The following THADA variants were observed in gnomAD, a reference collection of about 807,000 sequenced individuals.
THADA encodes tRNA (32-2'-O)-methyltransferase regulator THADA.
THADA carries 213 observed loss-of-function variants against 219.8 expected under a neutral mutation model. That is an observed-to-expected ratio of 0.97 (90% CI 0.87 to 1.09). The LOEUF (loss-of-function observed/expected upper bound fraction) is 1.09, where lower values mean the gene tolerates loss of function less well. Ranked by LOEUF, THADA falls within the 50% of genes least tolerant of loss-of-function variation. The probability of loss-of-function intolerance (pLI) is 0.00; values close to 1 mark genes in which losing one functional copy is unlikely to be tolerated. For synonymous variants in THADA, 1,018 were observed against 828.9 expected (o/e 1.23, Z -3.92); for missense variants, 2,956 against 2,311.3 (o/e 1.28, Z -5.72).
At chr2:43,265,642 C>G (rs934290707) in intron 36 of THADA, among the ~76,000 whole-genome samples, 2 of 152,176 alleles carry the variant, frequency 1.3e-5, no homozygotes, top group African/African-American at 4.8e-5. Context: ...GCAGGAGGAG[C>G]TGAATGAGAA....
intron 26 of THADA, among the ~76,000 whole-genome samples, chr2:43,473,052 T>TTTA (rs1430045611): frequency 6.6e-6 from 1 of 152,196 alleles, no homozygotes; most frequent in Non-Finnish European, 1.5e-5. Context: ...TACTGGAGAC[T>TTTA]TTATAAACAC....
At chr2:43,586,513 AAAT>A in intron 6 of THADA, 64 bp from the exon 7 acceptor site, 1 of 1,405,332 alleles carries the variant, frequency 7.1e-7, no homozygotes, top group Non-Finnish European at 9.6e-7. Flanking sequence ...CAATAAAATA[AAAT>A]ATTTTATATC....
intron 36 of THADA, among the ~76,000 whole-genome samples, chr2:43,248,781 C>A (rs979039171): frequency 6.6e-6 from 1 of 152,008 alleles, no homozygotes; most frequent in African/African-American, 2.4e-5. Context: ...AGGAGCGGCC[C>A]GGGCCGCTTC....
At chr2:43,280,835 A>G (rs565107146) in intron 35 of THADA, among the ~76,000 whole-genome samples, 6 of 152,378 alleles carry the variant, frequency 3.9e-5, no homozygotes, top group Middle Eastern at 3.4e-3. Context: ...TGTCCTGAGC[A>G]ATCAAAAGGA....
At chr2:43,404,374 TC>T (rs1675270502) in intron 28 of THADA, among the ~76,000 whole-genome samples, 1 of 150,298 alleles carries the variant, frequency 6.7e-6, no homozygotes, top group Non-Finnish European at 1.5e-5. Flanking sequence ...CTTTTTCTTT[TC>T]TTTTTTTTTT....
At chr2:43,384,795 A>G (rs1206005873) in intron 29 of THADA, among the ~76,000 whole-genome samples, 1 of 152,162 alleles carries the variant, frequency 6.6e-6, no homozygotes, top group Admixed American at 6.5e-5. Context: ...GTGTGACTCT[A>G]TCTCTACAAA....
At chr2:43,338,475 C>T (rs1308658868) in intron 30 of THADA, among the ~76,000 whole-genome samples, 3 of 152,086 alleles carry the variant, frequency 2.0e-5, no homozygotes, top group African/African-American at 7.2e-5. Flanking sequence ...CCTTTTCATT[C>T]TGTAAAATTA....
At chr2:43,542,925 G>C (rs1026975578) in intron 20 of THADA, among the ~76,000 whole-genome samples, 3 of 151,740 alleles carry the variant, frequency 2.0e-5, no homozygotes, top group Non-Finnish European at 4.4e-5. Context: ...GTGCAGGTTA[G>C]TTACATATGT....
intron 26 of THADA, among the ~76,000 whole-genome samples, chr2:43,478,243 T>A (rs1457300797): frequency 6.6e-6 from 1 of 152,178 alleles, no homozygotes; most frequent in East Asian, 1.9e-4. Context: ...TAGCTGGAAA[T>A]TCCTGAGATT....
intron 25 of THADA, among the ~76,000 whole-genome samples, chr2:43,495,931 A>C (rs1264183651): frequency 6.6e-6 from 1 of 152,244 alleles, no homozygotes; most frequent in Non-Finnish European, 1.5e-5. Context: ...GCTCTTAGAC[A>C]GAATTCCAGA....
chr2:43,548,981 G>T (rs1696423449), intron 20 of THADA, among the ~76,000 whole-genome samples: 2 of 152,204 alleles, frequency 1.3e-5, no homozygotes, highest in African/African-American at 2.4e-5. Context: ...GGGAGCTGTA[G>T]ACTGGAGCTG....
At chr2:43,323,566 T>A (rs1343779061) in intron 30 of THADA, among the ~76,000 whole-genome samples, 2 of 152,226 alleles carry the variant, frequency 1.3e-5, no homozygotes, top group Non-Finnish European at 2.9e-5. Context: ...GGAAAGCCAG[T>A]GGCCTGAGAA....
chr2:43,437,374 G>T (rs753874207), intron 26 of THADA, among the ~76,000 whole-genome samples: 2 of 152,178 alleles, frequency 1.3e-5, no homozygotes, highest in Non-Finnish European at 1.5e-5. Flanking sequence ...AGCCTTTTGA[G>T]TTTCTACCAT....
chr2:43,542,573 G>C (rs1023836918), intron 20 of THADA, among the ~76,000 whole-genome samples: 12 of 152,198 alleles, frequency 7.9e-5, no homozygotes, highest in African/African-American at 2.9e-4. Flanking sequence ...GATCAAACAA[G>C]ATGTAAGAAC....
At chr2:43,510,947 G>A (rs1410737318) in intron 22 of THADA, among the ~76,000 whole-genome samples, 1 of 151,164 alleles carries the variant, frequency 6.6e-6, no homozygotes, top group Non-Finnish European at 1.5e-5. Flanking sequence ...CTCTAGCCTG[G>A]GTGACACAGC....
At chr2:43,480,821 G>T (rs1407807283) in intron 26 of THADA, among the ~76,000 whole-genome samples, 1 of 149,408 alleles carries the variant, frequency 6.7e-6, no homozygotes, top group African/African-American at 2.5e-5. Flanking sequence ...CTGTCTTGGG[G>T]GGGAAAAAAA....
At chr2:43,491,476 G>GA (rs1687631052) in intron 25 of THADA, among the ~76,000 whole-genome samples, 1 of 152,170 alleles carries the variant, frequency 6.6e-6, no homozygotes. Flanking sequence ...ACCACAAAAT[G>GA]ATGCTGTGGT....
chr2:43,538,131 C>A (rs1227137165), intron 21 of THADA, among the ~76,000 whole-genome samples: 1 of 151,994 alleles, frequency 6.6e-6, no homozygotes, highest in Non-Finnish European at 1.5e-5. Context: ...ATATAGTACT[C>A]CAGGTGGAGG....
chr2:43,467,994 T>C (rs1285443284), intron 26 of THADA, among the ~76,000 whole-genome samples: 1 of 152,194 alleles, frequency 6.6e-6, no homozygotes, highest in Non-Finnish European at 1.5e-5. Flanking sequence ...TGGTTAACTG[T>C]TATGCTTGGA....
Sources: allele counts gnomAD v4.1 joint callset (sites outside exome capture counted in the v4.1 genomes callset), GRCh38; gene constraint gnomAD v4.1.1; transcripts MANE v1.5; gene names NCBI Gene and HGNC (gene_info 2026-07-23, HGNC 2026-07-21).